Variants in WDR31 observed in about 807,000 individuals in gnomAD.
The protein encoded by WDR31 is WD repeat domain 31.
Under a neutral mutation model 47.3 loss-of-function variants are expected in WDR31, and 30 were observed. The ratio of observed to expected loss-of-function variants is 0.63; its 90% CI spans 0.47 to 0.86. The LOEUF (loss-of-function observed/expected upper bound fraction) is 0.86, where lower values mean the gene tolerates loss of function less well. Among genes scored for constraint, WDR31 ranks in the 40% least tolerant of loss-of-function variants. The pLI is 0.00. For synonymous variants in WDR31, 137 were observed against 159.4 expected (o/e 0.86, Z 1.06); for missense variants, 406 against 442.9 (o/e 0.92, Z 0.75).
Position 113,315,656 on chromosome 9 carries a change from G to C in WDR31, c.*1093C>G, listed in dbSNP as rs1833174939. On this transcript the variant is annotated 3_prime_UTR_variant, in exon 11 of 11. Transcript: ENST00000374193. ...TGACTCCATCCCTCTCTTTTTTCCT[G>C]TATGTGGTTTTTTGTTTTTTTTTTT... 1 of 151,406 alleles carries C rather than the reference G, an allele frequency of 6.6e-6. No homozygotes were observed. The highest frequency in any genetic ancestry group is 2.4e-5 in the African/African-American group (1 of 41,230). 9.4% of individuals were successfully genotyped at this position (151,406 alleles called of 1,614,324 possible). A position where few individuals can be genotyped will look rare whatever the true frequency, so the allele number is the denominator to read the frequency against.
intron 9 of WDR31, 80 bp from the exon 10 acceptor site, chr9:113,318,717 G>T (rs897732846): frequency 1.6e-5 from 23 of 1,483,434 alleles, no homozygotes; most frequent in Non-Finnish European, 2.1e-5. Flanking sequence ...CTACCCCCAT[G>T]ATGCACCTAT....
In WDR31 at chr9:113,318,612, T is replaced by A. The variant is rs1051462869; in HGVS notation, c.806A>T (p.Asn269Ile). Residue 269 changes from asparagine to isoleucine, a missense_variant, in exon 10 of 11, where the codon AAC (asparagine) becomes ATC (isoleucine). Coordinates refer to ENST00000374193, the MANE Select transcript of WDR31 (RefSeq NM_001012361.4). Reference protein sequence around the residue: ...ATLWDLRQTRNRICEYKGHFQ... With the variant: ...ATLWDLRQTRIRICEYKGHFQ... ...ATGCCCCTTATACTCACATATTCTGTTTCGAGTCTGTCTTAGGTCCCACAA... is the reference window on the plus strand; with the variant it reads ...ATGCCCCTTATACTCACATATTCTGATTCGAGTCTGTCTTAGGTCCCACAA... 12 of 1,614,162 alleles carry A rather than the reference T, an allele frequency of 7.4e-6. No individual in the cohort carries two copies. Among genetic ancestry groups the A allele is most frequent in the Admixed American group, 1.7e-5 (1 of 60,018 alleles).
chr9:113,328,828 G>T, intron 5 of WDR31, 53 bp downstream of exon 5: 2 of 1,402,174 alleles, frequency 1.4e-6, no homozygotes, highest in Non-Finnish European at 2.0e-6. Context: ...AGAACTATTA[G>T]CTATCCTTTA....
intron 3 of WDR31, 58 bp downstream of exon 3, chr9:113,331,849 G>A (rs760357413): frequency 3.3e-5 from 50 of 1,526,260 alleles, no homozygotes; most frequent in Non-Finnish European, 4.0e-5. Context: ...TCTTTCTTCA[G>A]TGGAGAGTTT....
chr9:113,336,063 A>G (rs1334218759), intron 2 of WDR31, among the ~76,000 whole-genome samples: 1 of 152,228 alleles, frequency 6.6e-6, no homozygotes, highest in Non-Finnish European at 1.5e-5. Context: ...TTGTTTACAG[A>G]TAGAGGGTGC....
At chr9:113,331,845 T>C (rs1279812909) in intron 3 of WDR31, 62 bp downstream of exon 3, 2 of 1,509,096 alleles carry the variant, frequency 1.3e-6, no homozygotes, top group African/African-American at 2.8e-5. Context: ...CTTCTCTTTC[T>C]TCAGTGGAGA....
At chr9:113,336,864 T>C (rs1440666368) in intron 1 of WDR31, among the ~76,000 whole-genome samples, 1 of 152,186 alleles carries the variant, frequency 6.6e-6, no homozygotes. Flanking sequence ...TGCTCAAAAT[T>C]ATAACTAAGA....
Position 113,316,725 on chromosome 9 carries a change from T to C in WDR31, c.*24A>G. 6.2e-7 allele frequency: 1 copy of C among 1,606,092 alleles called. No homozygotes were observed. Among genetic ancestry groups the C allele is most frequent in the Non-Finnish European group, 8.5e-7 (1 of 1,175,660 alleles). On this transcript the variant is annotated 3_prime_UTR_variant, in exon 11 of 11. Coordinates refer to ENST00000374193, the MANE Select transcript of WDR31 (RefSeq NM_001012361.4). Reference sequence around the variant, plus strand: ...GCTGAGGAGGAGCCATGGTTTGATATTGTCCAGTGAGTGTCTCTTGGCCTC... The same window carrying C: ...GCTGAGGAGGAGCCATGGTTTGATACTGTCCAGTGAGTGTCTCTTGGCCTC...
At chr9:113,337,334 A>G (rs552967794) in intron 1 of WDR31, among the ~76,000 whole-genome samples, 7 of 152,240 alleles carry the variant, frequency 4.6e-5, no homozygotes, top group Non-Finnish European at 8.8e-5. Context: ...CTATTCCACA[A>G]GCCTCTGAGA....
chr9:113,329,075 G>T (rs2118829671), intron 4 of WDR31, 120 bp from the exon 5 acceptor site: 3 of 897,824 alleles, frequency 3.3e-6, no homozygotes, highest in Non-Finnish European at 5.3e-6. Flanking sequence ...TCAGGAACTT[G>T]CTCAAAGCAT....
rs1358181827 is a variant in WDR31 at position 113,324,446 on chromosome 9, G to A, written c.325-1291C>T. On this transcript the variant is annotated intron_variant, in intron 5 of 10. Coordinates refer to ENST00000374193, the MANE Select transcript of WDR31 (RefSeq NM_001012361.4). ...GCTCTGTCACCCAGACTGCAGTGCA[G>A]GGACCTGGTCTCGGTTCACTGCAAC... 3.4e-5 allele frequency among the ~76,000 whole-genome samples: 5 copies of A among 148,612 alleles called. No individual in the cohort carries two copies. The East Asian group carries it at 9.8e-4, about 29-fold the overall frequency.
At position 113,323,108 on chromosome 9, in the gene WDR31, G is replaced by C; in HGVS notation, c.372C>G (p.Asp124Glu). The C allele has an allele frequency of 6.2e-7, 1 of 1,614,172 alleles. No homozygotes were observed. The highest frequency in any genetic ancestry group is 8.5e-7 in the Non-Finnish European group (1 of 1,180,048). Residue 124 changes from aspartate (D) to glutamate (E), a missense_variant, in exon 6 of 11, where the codon GAC becomes GAG. Coordinates refer to ENST00000374193, the MANE Select transcript of WDR31 (RefSeq NM_001012361.4). ...KSSQFFSASR[D>E]RMVMMWDLHG... ...GCAAGTCCCACATCATGACCATCCT[G>C]TCACGAGAGGCACTGAAGAACTGGC...
At position 113,315,128 on chromosome 9, in the gene WDR31, C is replaced by T. The variant is rs1833162269; in HGVS notation, c.*1621G>A. The T allele has an allele frequency of 6.6e-6, 1 of 151,962 alleles. No homozygotes were observed. The highest frequency in any genetic ancestry group is 1.5e-5 in the Non-Finnish European group (1 of 68,022). 9.4% of individuals were successfully genotyped at this position (151,962 alleles called of 1,614,324 possible). On this transcript the variant is annotated 3_prime_UTR_variant, in exon 11 of 11. Transcript: ENST00000374193. ...CTCAGCTGGATGTGGTGGCTCATAC[C>T]TGTAATCTCAACACTTAAGGAGGCC...
intron 2 of WDR31, among the ~76,000 whole-genome samples, chr9:113,335,153 A>G (rs1833689547): frequency 6.6e-6 from 1 of 152,192 alleles, no homozygotes; most frequent in East Asian, 1.9e-4. Context: ...ACGAGGCTAG[A>G]ACTGAAAAGA....
chr9:113,332,697 A>T (rs1235768468), intron 2 of WDR31, among the ~76,000 whole-genome samples: 2 of 152,008 alleles, frequency 1.3e-5, no homozygotes, highest in East Asian at 3.8e-4. Flanking sequence ...TGTAATACAG[A>T]GTATCTTAAT....
chr9:113,332,226 A>G (rs541199922), intron 2 of WDR31, among the ~76,000 whole-genome samples, 176 bp from the exon 3 acceptor site: 46 of 152,342 alleles, frequency 3.0e-4, no homozygotes, highest in Non-Finnish European at 5.6e-4. Flanking sequence ...TGATTTTAAA[A>G]AAGACTAAGA....
intron 2 of WDR31, among the ~76,000 whole-genome samples, chr9:113,333,110 C>T (rs1371034032): frequency 6.6e-6 from 1 of 152,000 alleles, no homozygotes; most frequent in Non-Finnish European, 1.5e-5. Context: ...TTTATAGCAA[C>T]ACAAACAAAC....
intron 10 of WDR31, 81 bp downstream of exon 10, chr9:113,318,394 G>A (rs1346113173): frequency 1.3e-6 from 2 of 1,545,100 alleles, no homozygotes; most frequent in Non-Finnish European, 1.8e-6. Context: ...TTGTAATGCT[G>A]AGCAATGGGA....
intron 2 of WDR31, among the ~76,000 whole-genome samples, chr9:113,333,377 T>C (rs925932191): frequency 7.1e-6 from 1 of 140,412 alleles, no homozygotes; most frequent in Non-Finnish European, 1.6e-5. Context: ...TGGATTTTTT[T>C]TTTTTTTTTT....
Sources: gnomAD v4.1 joint callset for allele counts (sites outside exome capture counted in the v4.1 genomes callset) on GRCh38, gnomAD v4.1.1 for gene constraint, MANE v1.5 for transcripts, NCBI Gene and HGNC (gene_info 2026-07-23, HGNC 2026-07-21) for gene names.